The following STX8 variants were observed in gnomAD, a reference collection of about 807,000 sequenced individuals.
STX8 encodes syntaxin-8.
In STX8, 23 loss-of-function variants were observed where a neutral mutation model predicts 37.5. The ratio of observed to expected loss-of-function variants is 0.61; its 90% confidence interval spans 0.44 to 0.87. The LOEUF is 0.87. STX8 is among the 40% of genes least tolerant of loss of function. STX8 has a pLI of 0.00. For missense variants in STX8, 313 were observed against 284.7 expected (o/e 1.10, Z -0.71); for synonymous variants, 115 against 99.1 (o/e 1.16, Z -0.95).
At chr17:9,454,094 A>C (rs1905119652) in intron 6 of STX8, among the ~76,000 whole-genome samples, 1 of 152,252 alleles carries the variant, frequency 6.6e-6, no homozygotes, top group Non-Finnish European at 1.5e-5. Context: ...TCATTAAATA[A>C]ATTGAATATC....
At chr17:9,309,488 T>C (rs897441576) in intron 7 of STX8, among the ~76,000 whole-genome samples, 29 of 152,120 alleles carry the variant, frequency 1.9e-4, no homozygotes, top group Admixed American at 3.9e-4. Flanking sequence ...AAGTAGATTA[T>C]TGGGGAAAAA....
chr17:9,367,395 C>T (rs1490485429), intron 7 of STX8, among the ~76,000 whole-genome samples: 1 of 152,038 alleles, frequency 6.6e-6, no homozygotes, highest in Non-Finnish European at 1.5e-5. Flanking sequence ...ACCTTCTTGC[C>T]AAGGACAGCT....
intron 5 of STX8, among the ~76,000 whole-genome samples, chr17:9,500,156 A>T (rs1904559787): frequency 6.6e-6 from 1 of 152,156 alleles, no homozygotes; most frequent in Admixed American, 6.6e-5. Context: ...ACGGTGTTTC[A>T]CTGACTCAAT....
At chr17:9,413,111 G>A (rs909940161) in intron 6 of STX8, among the ~76,000 whole-genome samples, 29 of 152,152 alleles carry the variant, frequency 1.9e-4, no homozygotes, top group African/African-American at 7.0e-4. Context: ...AAAAATACCA[G>A]AAAGGAGGCT....
chr17:9,317,434 C>T (rs1400134921), intron 7 of STX8, among the ~76,000 whole-genome samples: 1 of 152,164 alleles, frequency 6.6e-6, no homozygotes, highest in Non-Finnish European at 1.5e-5. Context: ...AGTGATAAAA[C>T]CGCGCCAGGC....
intron 7 of STX8, among the ~76,000 whole-genome samples, chr17:9,297,242 A>C (rs1186125366): frequency 3.8e-5 from 3 of 79,898 alleles, no homozygotes; most frequent in Non-Finnish European, 9.6e-5. Flanking sequence ...CAGAGTTTGC[A>C]AAAAAAAAAA....
chr17:9,542,847 T>C (rs1597733050), intron 4 of STX8, among the ~76,000 whole-genome samples: 2 of 152,156 alleles, frequency 1.3e-5, no homozygotes, highest in East Asian at 3.9e-4. Flanking sequence ...TGTAACACAC[T>C]GCCAGGTGAT....
intron 4 of STX8, among the ~76,000 whole-genome samples, chr17:9,541,226 A>AT (rs1296072891): frequency 1.8e-4 from 28 of 152,318 alleles, no homozygotes; most frequent in Middle Eastern, 6.8e-3. Flanking sequence ...TTAACATGAG[A>AT]TTGTTCACTA....
At chr17:9,443,471 G>C (rs778873659) in intron 6 of STX8, among the ~76,000 whole-genome samples, 26 of 152,110 alleles carry the variant, frequency 1.7e-4, no homozygotes, top group Non-Finnish European at 2.8e-4. Context: ...TATGATATTG[G>C]AGGGTACCAC....
At chr17:9,480,970 C>T (rs572560858) in intron 6 of STX8, among the ~76,000 whole-genome samples, 17 of 152,130 alleles carry the variant, frequency 1.1e-4, no homozygotes, top group Non-Finnish European at 2.1e-4. Flanking sequence ...CTGCAAGCTC[C>T]GCCTCCTGGG....
At chr17:9,463,634 G>A (rs910698826) in intron 6 of STX8, among the ~76,000 whole-genome samples, 1 of 152,106 alleles carries the variant, frequency 6.6e-6, no homozygotes, top group Non-Finnish European at 1.5e-5. Context: ...TAGGCCAGGC[G>A]CAATGGCTGA....
intron 7 of STX8, among the ~76,000 whole-genome samples, chr17:9,274,324 A>T (rs1907578721): frequency 6.6e-6 from 1 of 152,098 alleles, no homozygotes; most frequent in South Asian, 2.1e-4. Context: ...AGTAAAAAAA[A>T]GTCTTCAAAA....
intron 7 of STX8, among the ~76,000 whole-genome samples, chr17:9,371,968 T>C (rs1911415534): frequency 6.6e-6 from 1 of 152,212 alleles, no homozygotes; most frequent in African/African-American, 2.4e-5. Flanking sequence ...TGCTAGAATA[T>C]ATTTGACTAT....
chr17:9,297,309 G>C (rs1345260929), intron 7 of STX8, among the ~76,000 whole-genome samples: 1 of 149,818 alleles, frequency 6.7e-6, no homozygotes, highest in East Asian at 2.0e-4. Flanking sequence ...AGTGAGTATA[G>C]AAACTCATCT....
At chr17:9,362,302 A>G (rs748777829) in intron 7 of STX8, among the ~76,000 whole-genome samples, 1 of 152,178 alleles carries the variant, frequency 6.6e-6, no homozygotes, top group Non-Finnish European at 1.5e-5. Context: ...TCGGGCCTGC[A>G]TGACAGTGTG....
intron 6 of STX8, among the ~76,000 whole-genome samples, chr17:9,422,788 A>T (rs1251800335): frequency 1.3e-5 from 2 of 152,224 alleles, no homozygotes; most frequent in African/African-American, 4.8e-5. Context: ...TTTGGTGACA[A>T]GGTTCGCTGA....
At chr17:9,427,185 T>C (rs559672861) in intron 6 of STX8, among the ~76,000 whole-genome samples, 1 of 152,168 alleles carries the variant, frequency 6.6e-6, no homozygotes, top group Non-Finnish European at 1.5e-5. Flanking sequence ...CCCAAATACA[T>C]GTTCCCATAG....
At chr17:9,378,836 G>A (rs558107605) in intron 6 of STX8, among the ~76,000 whole-genome samples, 183 bp from the exon 7 acceptor site, 141 of 152,142 alleles carry the variant, frequency 9.3e-4, no homozygotes, top group Non-Finnish European at 1.6e-3. Context: ...AAAAGCAGTA[G>A]TAAAGAAGAA....
intron 6 of STX8, among the ~76,000 whole-genome samples, chr17:9,476,173 C>T (rs1017235801): frequency 2.0e-5 from 3 of 152,034 alleles, no homozygotes; most frequent in Non-Finnish European, 2.9e-5. Context: ...AGCGAGACTC[C>T]GTCTCAGAAA....
Sources: gnomAD v4.1 joint callset for allele counts (sites outside exome capture counted in the v4.1 genomes callset) on GRCh38, gnomAD v4.1.1 for gene constraint, MANE v1.5 for transcripts, NCBI Gene and HGNC (gene_info 2026-07-23, HGNC 2026-07-21) for gene names.